Variants in PTPRT observed in about 807,000 individuals in gnomAD.
The protein encoded by PTPRT is receptor-type tyrosine-protein phosphatase T.
PTPRT carries 56 observed loss-of-function variants against 176.8 expected under a neutral mutation model. The observed-to-expected ratio is 0.32, with a 90% CI of 0.26 to 0.40. The LOEUF (loss-of-function observed/expected upper bound fraction) is 0.40, where lower values mean the gene tolerates loss of function less well. Among genes scored for constraint, PTPRT ranks in the 10% least tolerant of loss-of-function variants. PTPRT has a pLI of 1.00. For synonymous variants in PTPRT, 783 were observed against 739.0 expected (o/e 1.06, Z -0.96); for missense variants, 1,540 against 1,908.2 (o/e 0.81, Z 3.60).
intron 18 of PTPRT, among the ~76,000 whole-genome samples, chr20:42,133,567 G>A (rs999360641): frequency 1.8e-4 from 27 of 152,170 alleles, no homozygotes; most frequent in Non-Finnish European, 3.1e-4. Context: ...GAAGCATAGA[G>A]GATGTTTAAG....
chr20:43,087,285 A>G (rs2011633826), intron 1 of PTPRT, among the ~76,000 whole-genome samples: 1 of 151,384 alleles, frequency 6.6e-6, no homozygotes, highest in African/African-American at 2.4e-5. Flanking sequence ...TTGTTAACCA[A>G]TATTGAACCG....
intron 2 of PTPRT, among the ~76,000 whole-genome samples, chr20:42,861,347 G>A (rs1229232557): frequency 6.6e-6 from 1 of 152,090 alleles, no homozygotes; most frequent in African/African-American, 2.4e-5. Flanking sequence ...CATGCTTCTT[G>A]CCTAGACATT....
At chr20:42,951,381 A>T (rs949464554) in intron 1 of PTPRT, among the ~76,000 whole-genome samples, 1 of 148,550 alleles carries the variant, frequency 6.7e-6, no homozygotes, top group African/African-American at 2.5e-5. Context: ...AGAGGGATAG[A>T]TGAATAAATA....
chr20:42,456,077 T>A (rs979846501), intron 8 of PTPRT, among the ~76,000 whole-genome samples: 1 of 152,108 alleles, frequency 6.6e-6, no homozygotes, highest in Non-Finnish European at 1.5e-5. Context: ...AGGCCTTCCT[T>A]AACGTCTTTC....
At chr20:42,060,218 C>G in the PTPRT span, among the ~76,000 whole-genome samples, 1 of 152,174 alleles carries the variant, frequency 6.6e-6, no homozygotes, top group Non-Finnish European at 1.5e-5. Context: ...CAGGTTTCCT[C>G]ATTCCTGGGT....
chr20:43,107,079 C>G (rs1402952646), intron 1 of PTPRT, among the ~76,000 whole-genome samples: 1 of 152,130 alleles, frequency 6.6e-6, no homozygotes, highest in South Asian at 2.1e-4. Context: ...TGTGAGCCAC[C>G]GCACCTGGCC....
intron 7 of PTPRT, among the ~76,000 whole-genome samples, chr20:42,639,733 C>A (rs778217312): frequency 2.0e-5 from 3 of 152,076 alleles, no homozygotes; most frequent in Non-Finnish European, 4.4e-5. Flanking sequence ...GAGACACAAA[C>A]CAATCAAAAG....
chr20:42,790,239 C>A (rs1028886412), intron 3 of PTPRT, among the ~76,000 whole-genome samples: 124 of 142,240 alleles, frequency 8.7e-4, no homozygotes, highest in South Asian at 3.4e-3. Context: ...AAAAAAAAAA[C>A]AAAACTTTCA....
intron 23 of PTPRT, among the ~76,000 whole-genome samples, chr20:42,110,041 G>A (rs1024644231): frequency 6.0e-5 from 9 of 150,034 alleles, no homozygotes; most frequent in Non-Finnish European, 1.2e-4. Flanking sequence ...GTAGGTGGAG[G>A]ACTTTTTCTT....
chr20:42,115,336 GAGAC>G, intron 21 of PTPRT, 21 bp from the exon 22 acceptor site: 2 of 1,552,910 alleles, frequency 1.3e-6, no homozygotes, highest in Non-Finnish European at 1.8e-6. Context: ...GTGAGAGACA[GAGAC>G]AGAGACAGAA....
At position 42,084,120 on chromosome 20, in the gene PTPRT, T is replaced by G. The variant is rs528852408; in HGVS notation, c.4136+562A>C. Among the ~76,000 whole-genome samples, 3 of 152,330 alleles carry G rather than the reference T, an allele frequency of 2.0e-5. No homozygotes were observed. The South Asian group carries it at 6.2e-4, about 32-fold the overall frequency. ...GGAAACTCAGGCTTATAAAATTCAG[T>G]GATTTTCTTGACGTTGCACAGCTTG... On this transcript the variant is annotated intron_variant, in intron 29 of 30. Transcript: ENST00000373187.
the PTPRT span, among the ~76,000 whole-genome samples, chr20:42,048,987 A>G: frequency 6.6e-6 from 1 of 151,880 alleles, no homozygotes; most frequent in East Asian, 1.9e-4. Flanking sequence ...ACACCTGTCT[A>G]ATTTTTTGTA....
intron 7 of PTPRT, among the ~76,000 whole-genome samples, chr20:42,596,258 C>T (rs1023143934): frequency 6.6e-6 from 1 of 152,192 alleles, no homozygotes; most frequent in South Asian, 2.1e-4. Context: ...CCATGTCCCA[C>T]CTGGTAAAAA....
rs542016750 is a variant in PTPRT, at chr20:42,758,227, T to C, written c.685-1591A>G. Among the ~76,000 whole-genome samples, 35 of 152,346 alleles carry C rather than the reference T, an allele frequency of 2.3e-4. No homozygotes were observed. In the South Asian group the frequency reaches 6.8e-3, roughly 30 times the overall value. ...GATTCTCATGCCCTGAGTCTCCCAG[T>C]CTCGCAACGCGATCTTCATTGTTTC... On this transcript the variant is annotated intron_variant, in intron 5 of 30. Transcript: ENST00000373187.
intron 6 of PTPRT, among the ~76,000 whole-genome samples, chr20:42,742,747 ACT>A (rs1362592277): frequency 2.0e-5 from 3 of 152,106 alleles, no homozygotes; most frequent in African/African-American, 7.2e-5. Flanking sequence ...CAGGTCCCAC[ACT>A]CTGCGATTTC....
At chr20:42,456,797 C>G (rs917368332) in intron 8 of PTPRT, among the ~76,000 whole-genome samples, 1 of 151,878 alleles carries the variant, frequency 6.6e-6, no homozygotes, top group South Asian at 2.1e-4. Context: ...CTTTTAATAT[C>G]AAGGTTATAG....
chr20:42,378,070 G>T (rs1019625865), intron 9 of PTPRT, among the ~76,000 whole-genome samples: 7 of 152,182 alleles, frequency 4.6e-5, no homozygotes, highest in African/African-American at 1.7e-4. Context: ...ACATCTCACT[G>T]GTTGAGAATT....
chr20:42,310,064 A>C (rs73273118), intron 12 of PTPRT, among the ~76,000 whole-genome samples: 12,789 of 152,232 alleles, frequency 0.084, 692 homozygotes, highest in African/African-American at 0.14. Flanking sequence ...ACAGTGAAGA[A>C]AAGACAGATG....
intron 7 of PTPRT, among the ~76,000 whole-genome samples, chr20:42,527,002 C>T (rs371447686): frequency 2.3e-4 from 33 of 141,166 alleles, no homozygotes; most frequent in South Asian, 2.3e-3. Flanking sequence ...CTCGCTCTGC[C>T]GCCCAGGCTG....
Sources: allele counts gnomAD v4.1 joint callset (sites outside exome capture counted in the v4.1 genomes callset), GRCh38; gene constraint gnomAD v4.1.1; transcripts MANE v1.5; gene names NCBI Gene and HGNC (gene_info 2026-07-23, HGNC 2026-07-21).